The following NRG3 variants were observed in gnomAD, a reference collection of about 807,000 sequenced individuals.
The protein encoded by NRG3 is pro-neuregulin-3, membrane-bound isoform.
In NRG3, 31 loss-of-function variants were observed where a neutral mutation model predicts 66.9. The ratio of observed to expected loss-of-function variants is 0.46; its 90% confidence interval spans 0.35 to 0.63. NRG3 has a LOEUF of 0.63. Among genes scored for constraint, NRG3 ranks in the 20% least tolerant of loss-of-function variants. The pLI is 0.00. For synonymous variants in NRG3, 393 were observed against 359.4 expected (o/e 1.09, Z -1.06); for missense variants, 910 against 878.9 (o/e 1.04, Z -0.45).
At chr10:82,741,230 C>T (rs2058409009) in intron 3 of NRG3, among the ~76,000 whole-genome samples, 1 of 152,110 alleles carries the variant, frequency 6.6e-6, no homozygotes, top group African/African-American at 2.4e-5. Context: ...CCAAGAGCCA[C>T]CTAATTGGTC....
intron 1 of NRG3, among the ~76,000 whole-genome samples, chr10:82,100,696 T>C (rs2066675656): frequency 6.6e-6 from 1 of 152,092 alleles, no homozygotes; most frequent in South Asian, 2.1e-4. Context: ...GTCATCTTTG[T>C]GTTACCAGGA....
chr10:82,216,279 C>G (rs746707522), intron 1 of NRG3, among the ~76,000 whole-genome samples: 1 of 151,484 alleles, frequency 6.6e-6, no homozygotes, highest in Non-Finnish European at 1.5e-5. Flanking sequence ...CTGCGCCTGG[C>G]CTTTTTTTTT....
chr10:82,589,299 G>A (rs560012993), intron 2 of NRG3, among the ~76,000 whole-genome samples: 11 of 152,234 alleles, frequency 7.2e-5, no homozygotes, highest in African/African-American at 2.6e-4. Flanking sequence ...GCAGGCACCT[G>A]GGAAAAACAA....
chr10:81,898,876 A>G (rs1293455282), intron 1 of NRG3, among the ~76,000 whole-genome samples: 2 of 152,218 alleles, frequency 1.3e-5, no homozygotes, highest in Non-Finnish European at 2.9e-5. Flanking sequence ...AACTGTGGTT[A>G]TACAGGAAGA....
chr10:82,587,272 T>C (rs1251368784), intron 2 of NRG3, among the ~76,000 whole-genome samples: 4 of 152,226 alleles, frequency 2.6e-5, no homozygotes, highest in Admixed American at 2.6e-4. Context: ...CTCGTTAATT[T>C]TATTTTGTTT....
At chr10:82,313,008 C>G (rs2081111942) in intron 1 of NRG3, among the ~76,000 whole-genome samples, 1 of 152,092 alleles carries the variant, frequency 6.6e-6, no homozygotes. Flanking sequence ...GAAACCCCTT[C>G]TCTACCAAAA....
At chr10:82,959,416 T>A (rs1850389975) in intron 6 of NRG3, among the ~76,000 whole-genome samples, 1 of 152,140 alleles carries the variant, frequency 6.6e-6, no homozygotes, top group Admixed American at 6.5e-5. Flanking sequence ...TCCCTTGCCA[T>A]AAGGGAAGTT....
chr10:82,051,066 G>A (rs12783360), intron 1 of NRG3, among the ~76,000 whole-genome samples: 2 of 151,958 alleles, frequency 1.3e-5, no homozygotes, highest in African/African-American at 2.4e-5. Context: ...GCAATATATC[G>A]AGAATTCTTC....
chr10:82,297,917 G>C (rs897061288), intron 1 of NRG3, among the ~76,000 whole-genome samples: 1 of 152,008 alleles, frequency 6.6e-6, no homozygotes, highest in South Asian at 2.1e-4. Context: ...CAAGACAGGC[G>C]AATTGCTTGA....
chr10:82,345,081 G>T (rs1388640273), intron 1 of NRG3, among the ~76,000 whole-genome samples: 1 of 121,430 alleles, frequency 8.2e-6, no homozygotes, highest in Admixed American at 7.8e-5. Context: ...GATCCCATTT[G>T]TCAATTTTGG....
intron 1 of NRG3, among the ~76,000 whole-genome samples, chr10:82,017,161 A>G (rs906502170): frequency 1.3e-5 from 2 of 151,896 alleles, no homozygotes; most frequent in African/African-American, 4.8e-5. Flanking sequence ...TTCAATTCCC[A>G]CCTGTGAGTG....
At chr10:82,474,993 G>A (rs1274592846) in intron 2 of NRG3, among the ~76,000 whole-genome samples, 4 of 150,928 alleles carry the variant, frequency 2.7e-5, no homozygotes, top group Admixed American at 6.6e-5. Context: ...AAAAAAAAAA[G>A]GAAGAAAAAA....
chr10:82,554,214 A>G (rs2044502441), intron 2 of NRG3, among the ~76,000 whole-genome samples: 1 of 152,166 alleles, frequency 6.6e-6, no homozygotes, highest in African/African-American at 2.4e-5. Context: ...AACTAGCCCC[A>G]GCACAGTAGG....
chr10:81,965,702 C>T (rs184107169), intron 1 of NRG3, among the ~76,000 whole-genome samples: 1 of 152,132 alleles, frequency 6.6e-6, no homozygotes, highest in African/African-American at 2.4e-5. Context: ...TTATCTAACT[C>T]CTTTATAGTG....
chr10:82,404,569 G>T (rs1439432551), intron 2 of NRG3, among the ~76,000 whole-genome samples: 1 of 152,100 alleles, frequency 6.6e-6, no homozygotes, highest in African/African-American at 2.4e-5. Flanking sequence ...ATGAATGATT[G>T]AATGAATGAA....
chr10:82,760,191 A>G (rs2059248617), intron 3 of NRG3, among the ~76,000 whole-genome samples: 1 of 152,106 alleles, frequency 6.6e-6, no homozygotes, highest in Non-Finnish European at 1.5e-5. Context: ...ATAAACTAGC[A>G]CCACAACCCC....
At chr10:82,283,855 G>C (rs1045652736) in intron 1 of NRG3, among the ~76,000 whole-genome samples, 1 of 152,048 alleles carries the variant, frequency 6.6e-6, no homozygotes, top group African/African-American at 2.4e-5. Context: ...TTGAATTTTT[G>C]ACAACCCAGA....
chr10:82,810,959 C>T (rs1198788284), intron 3 of NRG3, among the ~76,000 whole-genome samples: 1 of 152,014 alleles, frequency 6.6e-6, no homozygotes, highest in East Asian at 1.9e-4. Flanking sequence ...ATACTACTGC[C>T]CTACTATGGA....
chr10:82,670,274 C>T (rs2053163657), intron 2 of NRG3, among the ~76,000 whole-genome samples: 1 of 152,078 alleles, frequency 6.6e-6, no homozygotes, highest in Non-Finnish European at 1.5e-5. Context: ...CTCTCCCTCA[C>T]AAATCAATAT....
Sources: allele counts gnomAD v4.1 joint callset (sites outside exome capture counted in the v4.1 genomes callset), GRCh38; gene constraint gnomAD v4.1.1; transcripts MANE v1.5; gene names NCBI Gene and HGNC (gene_info 2026-07-23, HGNC 2026-07-21).